PROM1: variants seen among roughly 807,000 people sequenced by gnomAD.
PROM1 encodes the protein prominin 1.
PROM1 carries 105 observed loss-of-function variants against 116.9 expected under a neutral mutation model. That is an observed-to-expected ratio of 0.90 (90% CI 0.77 to 1.06). The LOEUF is 1.06. PROM1 is among the 50% of genes least tolerant of loss of function. The probability of loss-of-function intolerance (pLI) is 0.00; values close to 1 mark genes in which losing one functional copy is unlikely to be tolerated. For missense variants in PROM1, 1,122 were observed against 1,045.2 expected (o/e 1.07, Z -1.01); for synonymous variants, 393 against 387.0 (o/e 1.02, Z -0.18).
intron 13 of PROM1, among the ~76,000 whole-genome samples, chr4:16,001,193 G>T (rs969205630): frequency 1.3e-5 from 2 of 152,134 alleles, no homozygotes; most frequent in Non-Finnish European, 2.9e-5. Flanking sequence ...ATAGGAGGCA[G>T]CAGGACTCGG....
chr4:16,071,598 A>C (rs908645), intron 2 of PROM1, among the ~76,000 whole-genome samples: 125,907 of 152,016 alleles, frequency 0.83, 52,366 homozygotes, highest in Non-Finnish European at 0.88. Context: ...AAGAGAAGAT[A>C]TCTTTTCACC....
chr4:15,980,053 A>C, intron 24 of PROM1, 149 bp from the exon 25 acceptor site: 1 of 613,026 alleles, frequency 1.6e-6, no homozygotes, highest in South Asian at 2.1e-5. Context: ...GAAGTGAAAA[A>C]CAAGGCATAC....
intron 2 of PROM1, among the ~76,000 whole-genome samples, chr4:16,045,024 C>T (rs1736206524): frequency 6.6e-6 from 1 of 152,132 alleles, no homozygotes; most frequent in Admixed American, 6.5e-5. Flanking sequence ...ACTACAGATG[C>T]TAAGAGACAT....
At chr4:16,005,252 C>G (rs1446454884) in intron 13 of PROM1, among the ~76,000 whole-genome samples, 3 of 152,128 alleles carry the variant, frequency 2.0e-5, no homozygotes, top group African/African-American at 7.2e-5. Flanking sequence ...CGTGAGCCAT[C>G]GTGCCCAGAC....
chr4:15,992,237 A>G lies in PROM1; in HGVS notation c.1911+11T>C. 1 of 1,613,366 alleles carries G rather than the reference A, an allele frequency of 6.2e-7. No individual in the cohort carries two copies. ...CTCCTAAAGGATCAAGCATGAACAC[A>G]TGCGCCATACCTGAGCCAAGTAGCT... On this transcript the variant is annotated intron_variant, in intron 17 of 27. Transcript: ENST00000447510.
At chr4:16,056,165 C>T (rs1738961473) in intron 2 of PROM1, among the ~76,000 whole-genome samples, 1 of 152,112 alleles carries the variant, frequency 6.6e-6, no homozygotes, top group Admixed American at 6.6e-5. Context: ...TAAGAGAGTC[C>T]AGCTGGCACA....
chr4:16,067,253 A>G (rs954707131), intron 2 of PROM1, among the ~76,000 whole-genome samples: 3 of 152,220 alleles, frequency 2.0e-5, no homozygotes, highest in African/African-American at 7.2e-5. Flanking sequence ...CTTAGCCATC[A>G]GGGTGTGTGA....
chr4:16,058,650 GA>G (rs74677849), intron 2 of PROM1, among the ~76,000 whole-genome samples: 5,829 of 129,548 alleles, frequency 0.045, 130 homozygotes, highest in Non-Finnish European at 0.062. Flanking sequence ...CCATCTCCGG[GA>G]AAAAAAAAAA....
intron 2 of PROM1, among the ~76,000 whole-genome samples, chr4:16,067,392 G>A (rs1741780810): frequency 6.6e-6 from 1 of 152,300 alleles, no homozygotes; most frequent in African/African-American, 2.4e-5. Context: ...TCTAGCACCT[G>A]GGGCAAGTTA....
chr4:16,050,397 G>C (rs773433377), intron 2 of PROM1, among the ~76,000 whole-genome samples: 1 of 152,294 alleles, frequency 6.6e-6, no homozygotes, highest in East Asian at 1.9e-4. Context: ...TCTGTTGCCC[G>C]TGCTAGAGTG....
chr4:16,064,469 CAA>C (rs1394795464), intron 2 of PROM1, among the ~76,000 whole-genome samples: 1 of 152,122 alleles, frequency 6.6e-6, no homozygotes, highest in African/African-American at 2.4e-5. Flanking sequence ...GACCAGGTAA[CAA>C]GAGGCAGTTC....
intron 12 of PROM1, 59 bp downstream of exon 12, chr4:16,008,890 T>G: frequency 6.9e-7 from 1 of 1,455,644 alleles, no homozygotes; most frequent in East Asian, 2.3e-5. Flanking sequence ...TGTCAGATTT[T>G]TATCTCGTTC....
intron 11 of PROM1, among the ~76,000 whole-genome samples, chr4:16,010,479 C>T (rs977009413): frequency 1.3e-5 from 2 of 152,142 alleles, no homozygotes; most frequent in Non-Finnish European, 2.9e-5. Context: ...TGGTCCAAAA[C>T]GTAATCACAT....
rs1578334764 is a variant in PROM1 at position 16,075,790 on chromosome 4, T to C, written c.117A>G (p.Thr39=). 5 of 1,613,822 alleles carry C rather than the reference T, an allele frequency of 3.1e-6. No homozygotes were observed. The highest frequency in any genetic ancestry group is 1.6e-4 in the Middle Eastern group (1 of 6,062). ...TATGGGAGTCTTGGGTCTCATAATT[T>C]GTTGCAGGCAATTCATAATTCCAAG... ...PKAWNYELPA[T]NYETQDSHKA... is the part of the protein sequence containing the mutation. The change falls in exon 2 of 28, where the codon ACA becomes ACG. Residue 39 remains threonine, a synonymous_variant. Coordinates refer to ENST00000447510, the MANE Select transcript of PROM1 (RefSeq NM_006017.3).
chr4:16,029,311 G>T (rs1003309259), intron 5 of PROM1, among the ~76,000 whole-genome samples: 14 of 151,610 alleles, frequency 9.2e-5, no homozygotes, highest in Non-Finnish European at 1.9e-4. Flanking sequence ...AGCAAGACTG[G>T]CTTATCATAC....
chr4:16,083,690 C>G (rs1273173500), intron 1 of PROM1: 1 of 153,352 alleles, frequency 6.5e-6, no homozygotes, highest in Non-Finnish European at 1.5e-5. Context: ...CGCTCCTGCT[C>G]CCGCCCTAGT....
chr4:15,989,819 TG>T lies in PROM1; in HGVS notation c.1988del (p.Pro663GlnfsTer4). On this transcript the variant is annotated frameshift_variant, in exon 19 of 28. Coordinates refer to ENST00000447510, the MANE Select transcript of PROM1 (RefSeq NM_006017.3). LOFTEE classifies it high-confidence loss of function. The part of the protein sequence containing the change: ...DLEAKANSLP[P>X]GNLRNSLKRD... ...TTTTCAGGGAGTTCCTCAAATTTCC[TG>T]GGGGCTACAAAAAGAATAAAAAACA... is the stretch of plus-strand genomic sequence containing the variant. The T allele has an allele frequency of 6.2e-7, 1 of 1,601,006 alleles. No homozygotes were observed. The highest frequency in any genetic ancestry group is 8.5e-7 in the Non-Finnish European group (1 of 1,172,218).
intron 2 of PROM1, among the ~76,000 whole-genome samples, chr4:16,067,821 G>A (rs1393284569): frequency 6.6e-6 from 1 of 152,172 alleles, no homozygotes; most frequent in Non-Finnish European, 1.5e-5. Flanking sequence ...CATGGTGACA[G>A]TGAGGGCCCA....
In PROM1 at chr4:16,069,906, T is replaced by C. The variant is rs542885305; in HGVS notation, c.220+5781A>G. 2.0e-5 allele frequency among the ~76,000 whole-genome samples: 3 copies of C among 152,288 alleles called. No individual in the cohort carries two copies. In the South Asian group the frequency reaches 6.2e-4, roughly 32 times the overall value. On this transcript the variant is annotated intron_variant, in intron 2 of 27. Coordinates refer to ENST00000447510, the MANE Select transcript of PROM1 (RefSeq NM_006017.3). Reference sequence around the variant, plus strand: ...CAACTGAGGTACAGGAACAGCTAGATGGGATACAGCTGGGTGTTTGCTTTA... The same window carrying C: ...CAACTGAGGTACAGGAACAGCTAGACGGGATACAGCTGGGTGTTTGCTTTA...
Sources: gnomAD v4.1 joint callset for allele counts (sites outside exome capture counted in the v4.1 genomes callset) on GRCh38, gnomAD v4.1.1 for gene constraint, MANE v1.5 for transcripts, NCBI Gene and HGNC (gene_info 2026-07-23, HGNC 2026-07-21) for gene names.